The following ANTXR1 variants were observed in gnomAD, a reference collection of about 807,000 sequenced individuals.
ANTXR1 encodes the protein ANTXR cell adhesion molecule 1.
A neutral mutation model predicts 78.1 loss-of-function variants in ANTXR1; 19 were observed. That is an observed-to-expected ratio of 0.24 (90% confidence interval 0.17 to 0.36). The LOEUF (loss-of-function observed/expected upper bound fraction) is 0.36. Among genes scored for constraint, ANTXR1 ranks in the 10% least tolerant of loss-of-function variants. The pLI is 1.00. For missense variants in ANTXR1, 518 were observed against 718.6 expected (o/e 0.72, Z 3.19); for synonymous variants, 273 against 260.5 (o/e 1.05, Z -0.46).
chr2:69,098,718 G>A (rs1671508657), intron 9 of ANTXR1, among the ~76,000 whole-genome samples: 1 of 152,126 alleles, frequency 6.6e-6, no homozygotes, highest in South Asian at 2.1e-4. Flanking sequence ...AGGCGTGGTG[G>A]CTCACACCTG....
intron 3 of ANTXR1, 48 bp from the exon 4 acceptor site, chr2:69,070,599 A>G: frequency 6.3e-7 from 1 of 1,576,750 alleles, no homozygotes; most frequent in Non-Finnish European, 8.7e-7. Context: ...TACAACAGCA[A>G]AGTAAAAAAT....
intron 3 of ANTXR1, among the ~76,000 whole-genome samples, chr2:69,059,706 G>GTA (rs1393985584): frequency 6.6e-6 from 1 of 152,086 alleles, no homozygotes; most frequent in Non-Finnish European, 1.5e-5. Context: ...CTGCAATATA[G>GTA]TATAGCATAA....
chr2:69,031,420 T>G (rs1671528119), intron 1 of ANTXR1, among the ~76,000 whole-genome samples: 1 of 152,166 alleles, frequency 6.6e-6, no homozygotes, highest in Non-Finnish European at 1.5e-5. Flanking sequence ...TGTGAAAAAA[T>G]TATGGCTTAT....
intron 14 of ANTXR1, chr2:69,172,486 C>T (rs966049117): frequency 2.8e-5 from 42 of 1,497,288 alleles, no homozygotes; most frequent in Non-Finnish European, 1.9e-5. Context: ...TCAATCTAGA[C>T]AGTCTTTTCC....
At chr2:69,215,453 T>G (rs1042615840) in intron 17 of ANTXR1, among the ~76,000 whole-genome samples, 6 of 152,212 alleles carry the variant, frequency 3.9e-5, no homozygotes, top group Non-Finnish European at 8.8e-5. Context: ...CATTTTAACA[T>G]TCATTACATG....
chr2:69,045,934 A>C (rs1669754772), intron 3 of ANTXR1, among the ~76,000 whole-genome samples: 1 of 152,118 alleles, frequency 6.6e-6, no homozygotes, highest in African/African-American at 2.4e-5. Flanking sequence ...CAGGCTCCAC[A>C]TTCTTTCCAG....
At chr2:69,160,992 C>G (rs911713611) in intron 13 of ANTXR1, among the ~76,000 whole-genome samples, 3 of 152,176 alleles carry the variant, frequency 2.0e-5, no homozygotes, top group Non-Finnish European at 2.9e-5. Context: ...TCAATATCAA[C>G]AAGCTTGAAC....
chr2:69,031,698 AT>A (rs1221238580), intron 1 of ANTXR1, among the ~76,000 whole-genome samples: 1 of 152,214 alleles, frequency 6.6e-6, no homozygotes, highest in Non-Finnish European at 1.5e-5. Context: ...ACAAGAGGAA[AT>A]TATGTCCTCC....
intron 17 of ANTXR1, among the ~76,000 whole-genome samples, chr2:69,226,871 C>CA (rs1176927966): frequency 6.6e-6 from 1 of 152,130 alleles, no homozygotes; most frequent in Non-Finnish European, 1.5e-5. Flanking sequence ...ATTCCTCTTA[C>CA]AGTCTCAATA....
At chr2:69,091,270 T>C (rs1383535704) in intron 9 of ANTXR1, among the ~76,000 whole-genome samples, 1 of 151,768 alleles carries the variant, frequency 6.6e-6, no homozygotes, top group African/African-American at 2.4e-5. Flanking sequence ...TTAAACCCCA[T>C]CTCTACTAAA....
chr2:69,093,200 G>A (rs1234827000), intron 9 of ANTXR1, among the ~76,000 whole-genome samples: 1 of 152,256 alleles, frequency 6.6e-6, no homozygotes, highest in Admixed American at 6.5e-5. Flanking sequence ...TTGACTAAAT[G>A]TCTTGATTCA....
At chr2:69,059,743 ATGT>A (rs1179617538) in intron 3 of ANTXR1, among the ~76,000 whole-genome samples, 1 of 152,190 alleles carries the variant, frequency 6.6e-6, no homozygotes, top group African/African-American at 2.4e-5. Context: ...GAGGCCAAAA[ATGT>A]TGTGAGAGTC....
chr2:69,028,799 A>G (rs1216119283), intron 1 of ANTXR1, among the ~76,000 whole-genome samples: 2 of 152,212 alleles, frequency 1.3e-5, no homozygotes, highest in Non-Finnish European at 2.9e-5. Flanking sequence ...GTTTCTGAAT[A>G]TTCAAATCCA....
intron 17 of ANTXR1, among the ~76,000 whole-genome samples, chr2:69,241,563 G>A (rs6749391): frequency 0.15 from 22,898 of 152,154 alleles, 5,469 homozygotes; most frequent in African/African-American, 0.51. Context: ...TACAGGACTT[G>A]GTGGCAACAG....
At chr2:69,223,569 G>A (rs1298289133) in intron 17 of ANTXR1, among the ~76,000 whole-genome samples, 1 of 152,174 alleles carries the variant, frequency 6.6e-6, no homozygotes, top group Non-Finnish European at 1.5e-5. Context: ...TCCAAACTGG[G>A]AGGTCACCGA....
Position 69,070,529 on chromosome 2 carries a change from G to A in ANTXR1, c.297-118G>A, listed in dbSNP as rs1009750676. On this transcript the variant is annotated intron_variant, in intron 3 of 17. Transcript: ENST00000303714. ...GCCTTCCCTTTGATAGGCTTTTGGG[G>A]AATTACTGGGACTAGACAGCAGTAT... 38 of 910,436 alleles carry A rather than the reference G, an allele frequency of 4.2e-5. No individual in the cohort carries two copies. In the African/African-American group the frequency reaches 5.1e-4, roughly 12 times the overall value. 56.4% of individuals were successfully genotyped at this position (910,436 alleles called of 1,614,324 possible).
Position 69,248,079 on chromosome 2 carries a change from A to AT in ANTXR1, c.*2595dup. 1 of 167,058 alleles carries AT rather than the reference A, an allele frequency of 6.0e-6. No homozygotes were observed. The highest frequency in any genetic ancestry group is 3.4e-3 in the Middle Eastern group (1 of 296). The allele number at this position is 167,058 out of a possible 1,614,324, so 10.3% of individuals were successfully genotyped here. On this transcript the variant is annotated 3_prime_UTR_variant, in exon 18 of 18. Coordinates refer to ENST00000303714, the MANE Select transcript of ANTXR1 (RefSeq NM_032208.3). ...ATAGTGGGCTATTACAGGCAGGAAA[A>AT]TGTTTTAACTGGTTTACAAAATCCA...
At position 69,013,782 on chromosome 2, in the gene ANTXR1, C is replaced by A; in HGVS notation, c.152+131C>A. 1 of 1,466,046 alleles carries A rather than the reference C, an allele frequency of 6.8e-7. No homozygotes were observed. Among genetic ancestry groups the A allele is most frequent in the Non-Finnish European group, 9.3e-7 (1 of 1,074,224 alleles). The allele number at this position is 1,466,046 out of a possible 1,614,324, so 90.8% of individuals were successfully genotyped here. ...CCAGGGCCACAGAGGGACCGCGCGGCAGGCGGCGGCGGAGTGCTGCGCCTT... is the reference window on the plus strand; with the variant it reads ...CCAGGGCCACAGAGGGACCGCGCGGAAGGCGGCGGCGGAGTGCTGCGCCTT... On this transcript the variant is annotated intron_variant, in intron 1 of 17. Transcript: ENST00000303714. This position sits in a 1 kb window ranked among gnomAD's most constrained non-coding sequence, Gnocchi z 5.0.
intron 1 of ANTXR1, among the ~76,000 whole-genome samples, chr2:69,036,687 A>G (rs1362294653): frequency 6.6e-6 from 1 of 152,208 alleles, no homozygotes; most frequent in African/African-American, 2.4e-5. Context: ...ATTGCATTTC[A>G]GAAGTGGCCA....
Sources: gnomAD v4.1 joint callset for allele counts (sites outside exome capture counted in the v4.1 genomes callset) on GRCh38, gnomAD v4.1.1 for gene constraint, Gnocchi (gnomAD v3.1) non-coding constraint, MANE v1.5 for transcripts, NCBI Gene and HGNC (gene_info 2026-07-23, HGNC 2026-07-21) for gene names.